ANKRD18B: variants seen among roughly 807,000 people sequenced by gnomAD.
The protein encoded by ANKRD18B is ankyrin repeat domain-containing protein 18B.
Under a neutral mutation model 111.8 loss-of-function variants are expected in ANKRD18B, and 75 were observed. That is an observed-to-expected ratio of 0.67 (90% CI 0.56 to 0.81). The LOEUF is 0.81. Among genes scored for constraint, ANKRD18B ranks in the 40% least tolerant of loss-of-function variants. ANKRD18B has a pLI of 0.00. For synonymous variants in ANKRD18B, 356 were observed against 417.3 expected, an observed-to-expected ratio of 0.85 and a Z score of 1.79; for missense variants, 1,038 against 1,225.5, an observed-to-expected ratio of 0.85 and a Z score of 2.28.
intron 17 of ANKRD18B, 104 bp downstream of exon 17, chr9:33,568,997 A>T (rs1338755065): frequency 3.7e-6 from 4 of 1,094,136 alleles, no homozygotes; most frequent in Non-Finnish European, 5.0e-6. Context: ...ATGCATGTTA[A>T]GTAAAGATTA....
rs1288186271 is a variant in ANKRD18B at position 33,548,623 on chromosome 9, C to T, written c.1835C>T (p.Ser612Phe). The part of the protein sequence containing the change: ...KESQSIGKQN[S>F]SEERIRQREL... ...AGTCAATCCATTGGAAAGCAGAACT[C>T]TTCAGAGGAGAGAATACGTCAACGA... The change falls in exon 11 of 19, where the codon TCT becomes TTT. Residue 612 changes from serine to phenylalanine, a missense_variant. Transcript: ENST00000684830. 6.4e-7 allele frequency: 1 copy of T among 1,551,358 alleles called. No homozygotes were observed. Among genetic ancestry groups the T allele is most frequent in the Non-Finnish European group, 8.7e-7 (1 of 1,146,690 alleles).
Position 33,548,112 on chromosome 9 carries a change from A to T in ANKRD18B, c.1324A>T (p.Lys442Ter). 6.5e-7 allele frequency: 1 copy of T among 1,533,324 alleles called. No individual in the cohort carries two copies. Among genetic ancestry groups the T allele is most frequent in the Non-Finnish European group, 8.8e-7 (1 of 1,141,654 alleles). The allele number at this position is 1,533,324 out of a possible 1,614,324, so 95.0% of individuals were successfully genotyped here. A position where few individuals can be genotyped will look rare whatever the true frequency, so the allele number is the denominator to read the frequency against. The change falls in exon 11 of 19, where the codon AAG (lysine) becomes TAG (stop). Residue 442 changes from lysine (K) to a stop codon, truncating the protein, a stop_gained. Coordinates refer to ENST00000684830, the MANE Select transcript of ANKRD18B (RefSeq NM_001393611.1). LOFTEE classifies it high-confidence loss of function. ...TACAGAAATAAATGCTAACTTTGAA[A>T]AGAGTGTAAGACTCAATGAAGAAAT... ...SITEINANFEKSVRLNEEMIT... is the reference protein window; with the variant it reads ...SITEINANFE
chr9:33,529,688 T>C (rs753598377), intron 3 of ANKRD18B, among the ~76,000 whole-genome samples: 1 of 152,204 alleles, frequency 6.6e-6, no homozygotes, highest in Non-Finnish European at 1.5e-5. Flanking sequence ...AGAATAGGTT[T>C]TGTTTTTTAG....
intron 1 of ANKRD18B, among the ~76,000 whole-genome samples, chr9:33,528,132 C>G (rs1255287384): frequency 6.6e-6 from 1 of 152,110 alleles, no homozygotes; most frequent in African/African-American, 2.4e-5. Context: ...CATTCCTACT[C>G]TACAAAAAAA....
chr9:33,549,035 G>A (rs7040150), intron 11 of ANKRD18B, among the ~76,000 whole-genome samples, 180 bp downstream of exon 11: 12,771 of 152,206 alleles, frequency 0.084, 559 homozygotes, highest in South Asian at 0.099. Flanking sequence ...GATGATTAAT[G>A]TTTGTGTAGG....
chr9:33,540,330 G>A (rs1828261055), intron 8 of ANKRD18B, 118 bp downstream of exon 8: 1 of 152,458 alleles, frequency 6.6e-6, no homozygotes, highest in African/African-American at 2.4e-5. Flanking sequence ...TTACAGAGAT[G>A]AGCCACTGTG....
intron 13 of ANKRD18B, among the ~76,000 whole-genome samples, chr9:33,557,541 C>A (rs1018218997): frequency 6.6e-6 from 1 of 152,102 alleles, no homozygotes; most frequent in Admixed American, 6.6e-5. Context: ...GTAATCCCAG[C>A]AATTTGGGAG....
At chr9:33,557,102 A>G (rs1828538461) in intron 13 of ANKRD18B, among the ~76,000 whole-genome samples, 2 of 152,208 alleles carry the variant, frequency 1.3e-5, no homozygotes, top group Non-Finnish European at 2.9e-5. Context: ...CTTTCTCTAC[A>G]TGGTTTTGTA....
intron 10 of ANKRD18B, among the ~76,000 whole-genome samples, chr9:33,544,764 G>A (rs1344126429): frequency 6.6e-6 from 1 of 152,148 alleles, no homozygotes; most frequent in East Asian, 1.9e-4. Flanking sequence ...TTGAACATGG[G>A]AGGCAGAGGT....
At chr9:33,534,324 A>G (rs1828162991) in intron 4 of ANKRD18B, 46 bp from the exon 5 acceptor site, 1 of 1,497,138 alleles carries the variant, frequency 6.7e-7, no homozygotes, top group Admixed American at 2.5e-5. Flanking sequence ...CTAATTAAAT[A>G]TCTTTATCAA....
Position 33,548,245 on chromosome 9 carries a change from T to C in ANKRD18B, c.1457T>C (p.Leu486Pro). 1.9e-6 allele frequency: 3 copies of C among 1,551,138 alleles called. No homozygotes were observed. Among genetic ancestry groups the C allele is most frequent in the Non-Finnish European group, 2.6e-6 (3 of 1,146,676 alleles). The change falls in exon 11 of 19, where the codon CTA (leucine) becomes CCA (proline). Residue 486 changes from leucine (L) to proline (P), a missense_variant. Leu to Pro is a moderately conservative substitution (Grantham distance 98). This residue lies in a region of ANKRD18B where 205 missense variants were observed against 201.3 expected (regional missense o/e 1.02). Transcript: ENST00000684830. ...AAGGAAAAACACAACAAAGAAAGAC[T>C]AGAAGCTGAAGTTGAATCCCTCCAT... is the stretch of plus-strand genomic sequence containing the variant. ...LEKEKHNKERLEAEVESLHSN... is the reference protein window; with the variant it reads ...LEKEKHNKERPEAEVESLHSN...
chr9:33,547,681 A>AGTGTGTGT (rs55918212), intron 10 of ANKRD18B, among the ~76,000 whole-genome samples: 137 of 146,282 alleles, frequency 9.4e-4, no homozygotes, highest in Non-Finnish European at 1.4e-3. Flanking sequence ...AATTCTCTAG[A>AGTGTGTGT]GTGTGTGTGT....
chr9:33,550,024 G>A (rs1828424592), intron 11 of ANKRD18B, among the ~76,000 whole-genome samples: 1 of 152,216 alleles, frequency 6.6e-6, no homozygotes. Context: ...AAGTTTGTAC[G>A]GGACAGAGTT....
chr9:33,567,320 T>C lies in ANKRD18B; in HGVS notation c.2954+6T>C, dbSNP rs1828701787. 1 of 1,536,940 alleles carries C rather than the reference T, an allele frequency of 6.5e-7. No individual in the cohort carries two copies. ...ATGTCAGAAAAAATAACGAAGTAAG[T>C]CAAAACATATACTCATAGAAAATGA... On this transcript the variant is annotated splice_donor_region_variant and intron_variant, in intron 16 of 18. Coordinates refer to ENST00000684830, the MANE Select transcript of ANKRD18B (RefSeq NM_001393611.1).
In ANKRD18B at chr9:33,550,582, A is replaced by G. The variant is rs1223069211; in HGVS notation, c.2217+3A>G. ...AATTATTTCAAGTAGAAATTCAAGT[A>G]TGTATGGAATTTAACATGTAGACAG... On this transcript the variant is annotated splice_donor_region_variant and intron_variant, in intron 12 of 18. Coordinates refer to ENST00000684830, the MANE Select transcript of ANKRD18B (RefSeq NM_001393611.1). The G allele has an allele frequency of 6.5e-7, 1 of 1,533,142 alleles. No homozygotes were observed. The highest frequency in any genetic ancestry group is 2.5e-5 in the East Asian group (1 of 40,600). The allele number at this position is 1,533,142 out of a possible 1,614,324, so 95.0% of individuals were successfully genotyped here. A position where few individuals can be genotyped will look rare whatever the true frequency, so the allele number is the denominator to read the frequency against.
intron 6 of ANKRD18B, among the ~76,000 whole-genome samples, chr9:33,538,013 G>A (rs903676563): frequency 1.4e-4 from 22 of 152,200 alleles, no homozygotes; most frequent in African/African-American, 5.3e-4. Flanking sequence ...GCTGTCTCTG[G>A]GTTGCAGAAG....
intron 14 of ANKRD18B, 111 bp downstream of exon 14, chr9:33,558,298 C>G (rs1748849): frequency 2.5e-5 from 31 of 1,236,218 alleles, no homozygotes; most frequent in African/African-American, 9.2e-5. Flanking sequence ...ACGTATCAAT[C>G]CATCACCTAG....
intron 11 of ANKRD18B, among the ~76,000 whole-genome samples, chr9:33,549,466 G>C (rs1828416307): frequency 6.6e-6 from 1 of 152,142 alleles, no homozygotes. Context: ...CATTTTAAGA[G>C]CATAATGAAG....
At chr9:33,540,867 A>G (rs930749172) in intron 8 of ANKRD18B, among the ~76,000 whole-genome samples, 9 of 152,186 alleles carry the variant, frequency 5.9e-5, no homozygotes, top group African/African-American at 2.2e-4. Flanking sequence ...GAAAAAACAT[A>G]TGGTAGGCAG....
Sources: allele counts gnomAD v4.1 joint callset (sites outside exome capture counted in the v4.1 genomes callset), GRCh38; gene constraint gnomAD v4.1.1; regional missense constraint gnomAD v4.1.1; transcripts MANE v1.5; gene names NCBI Gene and HGNC (gene_info 2026-07-23, HGNC 2026-07-21).